ARHGAP32: variants seen among roughly 807,000 people sequenced by gnomAD.
ARHGAP32 encodes Rho GTPase activating protein 32, also known as rho GTPase-activating protein 32.
A neutral mutation model predicts 186.5 loss-of-function variants in ARHGAP32; 51 were observed. The observed-to-expected ratio is 0.27, with a 90% confidence interval of 0.22 to 0.35. The LOEUF (loss-of-function observed/expected upper bound fraction) is 0.35. ARHGAP32 is among the 10% of genes least tolerant of loss of function. The pLI, the probability that ARHGAP32 is intolerant of heterozygous loss-of-function variation, is 1.00. For missense variants in ARHGAP32, 2,186 were observed against 2,623.5 expected, an observed-to-expected ratio of 0.83 and a Z score of 3.64; for synonymous variants, 950 against 964.3, an observed-to-expected ratio of 0.99 and a Z score of 0.27.
At chr11:129,243,754 T>C (rs1164495484) in intron 1 of ARHGAP32, among the ~76,000 whole-genome samples, 1 of 152,100 alleles carries the variant, frequency 6.6e-6, no homozygotes, top group Non-Finnish European at 1.5e-5. Flanking sequence ...CCCCATAAAA[T>C]GCCATTATCA....
intron 1 of ARHGAP32, among the ~76,000 whole-genome samples, chr11:129,221,749 C>T (rs1190899825): frequency 6.6e-6 from 1 of 151,914 alleles, no homozygotes; most frequent in African/African-American, 2.4e-5. Context: ...GAGGTCCAGG[C>T]TGCTGTGGGC....
chr11:129,058,238 C>CTCTATA (rs1232496252), intron 10 of ARHGAP32, among the ~76,000 whole-genome samples: 2 of 138,830 alleles, frequency 1.4e-5, no homozygotes, highest in Non-Finnish European at 3.1e-5. Flanking sequence ...CTCTCTCTCT[C>CTCTATA]TATATATATA....
intron 5 of ARHGAP32, among the ~76,000 whole-genome samples, chr11:129,095,783 A>G (rs143005624): frequency 6.6e-6 from 1 of 152,324 alleles, no homozygotes; most frequent in African/African-American, 2.4e-5. Context: ...AACTGGACAG[A>G]CAAGAGAATA....
chr11:128,977,179 T>C (rs1945570718), intron 19 of ARHGAP32, among the ~76,000 whole-genome samples: 1 of 152,210 alleles, frequency 6.6e-6, no homozygotes, highest in Non-Finnish European at 1.5e-5. Context: ...ACTTCAGACT[T>C]TGAGCTTCTA....
At chr11:129,142,300 A>G (rs1337682752) in intron 2 of ARHGAP32, among the ~76,000 whole-genome samples, 1 of 152,168 alleles carries the variant, frequency 6.6e-6, no homozygotes, top group Non-Finnish European at 1.5e-5. Flanking sequence ...GTTATTTGCC[A>G]GGATCGGCCT....
chr11:129,125,825 T>C (rs1942646562), intron 2 of ARHGAP32: 1 of 404,716 alleles, frequency 2.5e-6, no homozygotes, highest in Non-Finnish European at 4.8e-6. Flanking sequence ...AATTTAACTA[T>C]TTATAAGGGT....
chr11:129,086,613 A>G (rs1391877998), intron 6 of ARHGAP32, among the ~76,000 whole-genome samples: 1 of 152,152 alleles, frequency 6.6e-6, no homozygotes, highest in Non-Finnish European at 1.5e-5. Flanking sequence ...CAAGGTCAGG[A>G]GATCGAGACC....
At chr11:129,046,443 C>T (rs994274123) in intron 10 of ARHGAP32, among the ~76,000 whole-genome samples, 2 of 152,138 alleles carry the variant, frequency 1.3e-5, no homozygotes, top group African/African-American at 4.8e-5. Context: ...TCGTCCTGCG[C>T]CTATCCACCT....
At chr11:129,148,991 C>G (rs906581356) in intron 2 of ARHGAP32, among the ~76,000 whole-genome samples, 2 of 152,196 alleles carry the variant, frequency 1.3e-5, no homozygotes, top group African/African-American at 4.8e-5. Context: ...CCAGCCCCAA[C>G]CTGATGGTAT....
chr11:129,166,599 T>A (rs1378441513), intron 1 of ARHGAP32, among the ~76,000 whole-genome samples: 1 of 151,586 alleles, frequency 6.6e-6, no homozygotes, highest in Admixed American at 6.6e-5. Flanking sequence ...GAAATTAACC[T>A]TCAGTGTGCT....
chr11:128,989,535 CACACACACACACACACACACAT>C (rs1945978861), intron 12 of ARHGAP32, among the ~76,000 whole-genome samples: 1 of 151,324 alleles, frequency 6.6e-6, no homozygotes, highest in African/African-American at 2.4e-5. Context: ...CACACACACA[CACACACACACACACACACACAT>C]ACATATATCT....
intron 5 of ARHGAP32, among the ~76,000 whole-genome samples, chr11:129,117,001 T>A (rs1454194919): frequency 1.3e-5 from 2 of 152,038 alleles, no homozygotes; most frequent in East Asian, 3.8e-4. Context: ...CCAGAGACAT[T>A]AAGAATTTAC....
chr11:129,132,535 T>C (rs1024398113), intron 2 of ARHGAP32, among the ~76,000 whole-genome samples: 2 of 150,400 alleles, frequency 1.3e-5, no homozygotes, highest in African/African-American at 4.9e-5. Flanking sequence ...TGAACTGATG[T>C]TGAAAACACC....
chr11:129,032,274 G>A (rs111313169), intron 11 of ARHGAP32, among the ~76,000 whole-genome samples: 2,954 of 152,308 alleles, frequency 0.019, 46 homozygotes, highest in African/African-American at 0.041. Flanking sequence ...GGCCTGCACA[G>A]AGTTCTGCTC....
intron 1 of ARHGAP32, among the ~76,000 whole-genome samples, chr11:129,174,343 T>A (rs1254928328): frequency 6.6e-6 from 1 of 152,114 alleles, no homozygotes; most frequent in African/African-American, 2.4e-5. Flanking sequence ...ATCAAACTGC[T>A]AGGCGGCAGC....
chr11:129,193,751 ATAT>A (rs2135563072), upstream of ARHGAP32, among the ~76,000 whole-genome samples: 1 of 110,250 alleles, frequency 9.1e-6, no homozygotes. Context: ...TATATAATAC[ATAT>A]AATACATATA....
intron 11 of ARHGAP32, among the ~76,000 whole-genome samples, chr11:129,026,627 C>G (rs1938860220): frequency 6.6e-6 from 1 of 151,770 alleles, no homozygotes. Flanking sequence ...AACCCTGTCT[C>G]TACTAAAAAT....
At chr11:128,973,677 G>GA in intron 21 of ARHGAP32, 1 of 548,716 alleles carries the variant, frequency 1.8e-6, no homozygotes, top group Non-Finnish European at 3.2e-6. Context: ...AGATGGGGGG[G>GA]AAAAAAAGCA....
intron 11 of ARHGAP32, among the ~76,000 whole-genome samples, chr11:129,021,343 C>A (rs914549440): frequency 6.6e-6 from 1 of 152,018 alleles, no homozygotes; most frequent in African/African-American, 2.4e-5. Flanking sequence ...ATATCCAGCA[C>A]AACTCATGTT....
Sources: gnomAD v4.1 joint callset for allele counts (sites outside exome capture counted in the v4.1 genomes callset) on GRCh38, gnomAD v4.1.1 for gene constraint, MANE v1.5 for transcripts, NCBI Gene and HGNC (gene_info 2026-07-23, HGNC 2026-07-21) for gene names.